Variants in PRKCB observed in about 807,000 individuals in gnomAD.
PRKCB encodes protein kinase C beta.
Under a neutral mutation model 81.5 loss-of-function variants are expected in PRKCB, and 13 were observed. The observed-to-expected ratio is 0.16, with a 90% CI of 0.10 to 0.25. PRKCB has a LOEUF of 0.25. Ranked by LOEUF, PRKCB falls within the 10% of genes least tolerant of loss-of-function variation. The probability of loss-of-function intolerance (pLI) is 1.00; values close to 1 mark genes in which losing one functional copy is unlikely to be tolerated. For missense variants in PRKCB, 509 were observed against 875.7 expected (o/e 0.58, Z 5.29); for synonymous variants, 335 against 321.4 (o/e 1.04, Z -0.45).
intron 3 of PRKCB, among the ~76,000 whole-genome samples, chr16:23,993,694 G>C (rs1157941688): frequency 2.6e-5 from 4 of 152,158 alleles, no homozygotes; most frequent in Non-Finnish European, 5.9e-5. Flanking sequence ...GGAATAATTG[G>C]GTCCTGGAGT....
intron 5 of PRKCB, among the ~76,000 whole-genome samples, chr16:24,038,587 G>C (rs1026693593): frequency 6.6e-6 from 1 of 152,210 alleles, no homozygotes; most frequent in African/African-American, 2.4e-5. Flanking sequence ...CACCATGCTG[G>C]GCACAGCCTG....
chr16:23,915,979 C>A (rs1217283601), intron 2 of PRKCB, among the ~76,000 whole-genome samples: 1 of 151,818 alleles, frequency 6.6e-6, no homozygotes. Flanking sequence ...TGCTTTTTAC[C>A]CTACCTCACA....
At position 23,877,440 on chromosome 16, in the gene PRKCB, C is replaced by G. The variant is rs973226300; in HGVS notation, c.205+40034C>G. Reference sequence around the variant, plus strand: ...TCTGATTGTCCTGCCTTGAGTCACACGACCATCTCTGACTTGTTGACCCCT... The same window carrying G: ...TCTGATTGTCCTGCCTTGAGTCACAGGACCATCTCTGACTTGTTGACCCCT... On this transcript the variant is annotated intron_variant, in intron 2 of 16. Transcript: ENST00000643927. Among the ~76,000 whole-genome samples, 3 of 152,194 alleles carry G rather than the reference C, an allele frequency of 2.0e-5. No individual in the cohort carries two copies. In the East Asian group the frequency reaches 5.8e-4, roughly 29 times the overall value.
intron 3 of PRKCB, among the ~76,000 whole-genome samples, chr16:24,023,673 G>A (rs940229826): frequency 1.3e-5 from 2 of 152,178 alleles, no homozygotes; most frequent in African/African-American, 4.8e-5. Context: ...CGGCCAGGCA[G>A]GACTGATATT....
chr16:24,003,319 A>G (rs1169409362), intron 3 of PRKCB, among the ~76,000 whole-genome samples: 2 of 151,502 alleles, frequency 1.3e-5, no homozygotes, highest in African/African-American at 4.9e-5. Context: ...GTCTGCAAAC[A>G]TCGTTACAGT....
At chr16:24,019,717 T>A (rs1246668265) in intron 3 of PRKCB, among the ~76,000 whole-genome samples, 1 of 151,510 alleles carries the variant, frequency 6.6e-6, no homozygotes, top group African/African-American at 2.4e-5. Flanking sequence ...TGAGCCGAGA[T>A]TGCACTGCTG....
At chr16:24,005,454 C>T (rs1382622472) in intron 3 of PRKCB, among the ~76,000 whole-genome samples, 1 of 152,144 alleles carries the variant, frequency 6.6e-6, no homozygotes, top group Non-Finnish European at 1.5e-5. Flanking sequence ...GGGGCCACTC[C>T]ACCTCTAGTG....
intron 2 of PRKCB, among the ~76,000 whole-genome samples, chr16:23,844,614 TCTC>T (rs1449679370): frequency 6.6e-6 from 1 of 151,902 alleles, no homozygotes; most frequent in Non-Finnish European, 1.5e-5. Flanking sequence ...TTCACGCCAT[TCTC>T]CTGCCTCAGC....
At chr16:24,053,931 ATCCATTATTGTGAC>A (rs1380755179) in intron 5 of PRKCB, among the ~76,000 whole-genome samples, 2 of 152,174 alleles carry the variant, frequency 1.3e-5, no homozygotes, top group Non-Finnish European at 2.9e-5. Flanking sequence ...TCCAATGGGA[ATCCATTATTGTGAC>A]TCTAGTAGTT....
intron 2 of PRKCB, among the ~76,000 whole-genome samples, chr16:23,961,271 A>G (rs749290929): frequency 6.6e-6 from 1 of 152,170 alleles, no homozygotes; most frequent in Non-Finnish European, 1.5e-5. Flanking sequence ...TTTAGTTGTA[A>G]GTGACAGAAA....
intron 5 of PRKCB, among the ~76,000 whole-genome samples, chr16:24,081,337 T>C (rs1363343999): frequency 6.6e-6 from 1 of 151,984 alleles, no homozygotes; most frequent in Non-Finnish European, 1.5e-5. Context: ...ACATATCAAT[T>C]GATGCAGAAA....
At chr16:24,181,771 C>CAAAAAAAAAAAAAAAAAAAAAAA (rs71154286) in intron 13 of PRKCB, among the ~76,000 whole-genome samples, 5 of 24,570 alleles carry the variant, frequency 2.0e-4, no homozygotes, top group Non-Finnish European at 2.6e-4. Context: ...GACCCTGTCT[C>CAAAAAAAAAAAAAAAAAAAAAAA]AAAAAAAAAA....
chr16:24,114,017 C>G lies in PRKCB; in HGVS notation c.918+948C>G, dbSNP rs144704174. On this transcript the variant is annotated intron_variant, in intron 8 of 16. Transcript: ENST00000643927. ...AGATCACTTGAAGTCAGGAGTTGGA[C>G]ACCAGCCTGGCCAATATGGTTAAAC... 9.0e-3 allele frequency among the ~76,000 whole-genome samples: 1,365 copies of G among 151,656 alleles called. 15 individuals are homozygous for G. The highest frequency in any genetic ancestry group is 0.031 in the African/African-American group (1,298 of 41,376).
At chr16:23,848,763 T>C (rs1962421106) in intron 2 of PRKCB, among the ~76,000 whole-genome samples, 1 of 152,242 alleles carries the variant, frequency 6.6e-6, no homozygotes, top group Non-Finnish European at 1.5e-5. Flanking sequence ...TTCGAGCTTC[T>C]GTTTTTTCAT....
rs59486748 is a variant in PRKCB, at chr16:24,020,976, T to TTTTCTTTCTTTCTTTCTTTCTTTC, written c.289-11118_289-11095dup. Among the ~76,000 whole-genome samples the TTTTCTTTCTTTCTTTCTTTCTTTC allele has an allele frequency of 1.2e-3, 120 of 96,718 alleles. 2 individuals carry two copies. The highest frequency in any genetic ancestry group is 3.5e-3 in the East Asian group (9 of 2,544). 63.5% of individuals were successfully genotyped at this position (96,718 alleles called of 152,430 possible). ...CATTCAGACTGAGAGAGACTTTTCTTTTTCTTTCTTTCTTTCTTTCTTTCT... is the reference window on the plus strand; with the variant it reads ...CATTCAGACTGAGAGAGACTTTTCTTTTTCTTTCTTTCTTTCTTTCTTTCTTTCTTTCTTTCTTTCTTTCTTTCT... On this transcript the variant is annotated intron_variant, in intron 3 of 16. Coordinates refer to ENST00000643927, the MANE Select transcript of PRKCB (RefSeq NM_002738.7).
chr16:23,888,927 A>G (rs1963246146), intron 2 of PRKCB, among the ~76,000 whole-genome samples: 1 of 152,218 alleles, frequency 6.6e-6, no homozygotes, highest in Non-Finnish European at 1.5e-5. Context: ...AAGTGGTGAC[A>G]TAGCTGGATG....
intron 14 of PRKCB, 125 bp downstream of exon 14, chr16:24,185,316 G>C: frequency 8.3e-7 from 1 of 1,206,432 alleles, no homozygotes; most frequent in South Asian, 1.4e-5. Flanking sequence ...CCCGGCCTTG[G>C]GGTCATACAA....
intron 2 of PRKCB, among the ~76,000 whole-genome samples, chr16:23,967,248 G>A (rs1964500514): frequency 6.6e-6 from 1 of 152,196 alleles, no homozygotes; most frequent in African/African-American, 2.4e-5. Context: ...CAGGCAGTGA[G>A]TTAGAATATT....
rs142910175 is a variant in PRKCB at position 24,202,194 on chromosome 16, C to T, written c.1863+10964C>T. Among the ~76,000 whole-genome samples the T allele has an allele frequency of 2.6e-5, 4 of 152,292 alleles. No homozygotes were observed. In the East Asian group the frequency reaches 5.8e-4, roughly 22 times the overall value. ...GCTATGTCTTTTTCATGTTAAAAAT[C>T]CCCTACCTCAAACCTGGGAATCCTC... On this transcript the variant is annotated intron_variant, in intron 16 of 16. Transcript: ENST00000643927.
Sources: allele counts gnomAD v4.1 joint callset (sites outside exome capture counted in the v4.1 genomes callset), GRCh38; gene constraint gnomAD v4.1.1; transcripts MANE v1.5; gene names NCBI Gene and HGNC (gene_info 2026-07-23, HGNC 2026-07-21).